Variants in PRKD3 observed in about 807,000 individuals in gnomAD.
The protein encoded by PRKD3 is serine/threonine-protein kinase D3.
PRKD3 carries 47 observed loss-of-function variants against 99.2 expected under a neutral mutation model. The ratio of observed to expected loss-of-function variants is 0.47; its 90% CI spans 0.38 to 0.60. PRKD3 has a LOEUF of 0.60. Ranked by LOEUF, PRKD3 falls within the 20% of genes least tolerant of loss-of-function variation. The pLI is 0.00. For missense variants in PRKD3, 1,019 were observed against 1,088.4 expected, an observed-to-expected ratio of 0.94 and a Z score of 0.90; for synonymous variants, 392 against 355.4, an observed-to-expected ratio of 1.10 and a Z score of -1.16.
chr2:37,262,371 TCA>T (rs1668530091), intron 14 of PRKD3, among the ~76,000 whole-genome samples: 1 of 152,210 alleles, frequency 6.6e-6, no homozygotes, highest in Admixed American at 6.5e-5. Context: ...ACAGATTGTT[TCA>T]GTTATTTTAG....
chr2:37,275,658 C>A, intron 10 of PRKD3, 109 bp downstream of exon 10: 1 of 1,189,908 alleles, frequency 8.4e-7, no homozygotes. Context: ...CTTCTATAAA[C>A]CATACTAGCT....
intron 7 of PRKD3, among the ~76,000 whole-genome samples, chr2:37,281,976 G>C (rs553264513): frequency 2.0e-5 from 3 of 152,200 alleles, no homozygotes; most frequent in Non-Finnish European, 4.4e-5. Context: ...ACGATTATTT[G>C]ACAGAGAAAG....
chr2:37,264,869 A>G (rs925995064), intron 14 of PRKD3, among the ~76,000 whole-genome samples: 1 of 152,198 alleles, frequency 6.6e-6, no homozygotes, highest in Non-Finnish European at 1.5e-5. Context: ...CATTTCTGTT[A>G]AACAGAATTA....
intron 2 of PRKD3, among the ~76,000 whole-genome samples, chr2:37,308,293 T>C (rs1453447856): frequency 6.6e-6 from 1 of 152,208 alleles, no homozygotes; most frequent in African/African-American, 2.4e-5. Context: ...TCTAAACTGA[T>C]CTTTTCATGT....
chr2:37,251,604 T>C lies in PRKD3; in HGVS notation c.*1573A>G, dbSNP rs995764611. ...GAAAGGCCTTCTCAGTCTGTTCATG[T>C]ACCAGAACATTCTTTTTTTTTTTTG... On this transcript the variant is annotated 3_prime_UTR_variant, in exon 19 of 19. Transcript: ENST00000234179. 2.0e-5 allele frequency: 3 copies of C among 152,308 alleles called. No individual in the cohort carries two copies. In the South Asian group the frequency reaches 6.2e-4, roughly 32 times the overall value. The allele number at this position is 152,308 out of a possible 1,614,324, so 9.4% of individuals were successfully genotyped here. A position where few individuals can be genotyped will look rare whatever the true frequency, so the allele number is the denominator to read the frequency against.
At chr2:37,282,725 A>G (rs1350539054) in intron 6 of PRKD3, 106 bp from the exon 7 acceptor site, 2 of 786,212 alleles carry the variant, frequency 2.5e-6, no homozygotes, top group African/African-American at 3.5e-5. Context: ...ATTAGTAATG[A>G]TGATATTAAA....
rs1451726947 is a variant in PRKD3, at chr2:37,252,237, T to G, written c.*940A>C. ...CAGTAACTGTAGCATTAACTGACCC[T>G]GCACTGGCCCTGCTAAAAAGCAGAA... On this transcript the variant is annotated 3_prime_UTR_variant, in exon 19 of 19. Coordinates refer to ENST00000234179, the MANE Select transcript of PRKD3 (RefSeq NM_005813.6). 1 of 152,190 alleles carries G rather than the reference T, an allele frequency of 6.6e-6. No homozygotes were observed. The highest frequency in any genetic ancestry group is 2.4e-5 in the African/African-American group (1 of 41,450). The allele number at this position is 152,190 out of a possible 1,614,324, so 9.4% of individuals were successfully genotyped here.
Position 37,252,438 on chromosome 2 carries a change from C to CTT in PRKD3, c.*737_*738dup, listed in dbSNP as rs2148464207. ...AGCACTTAGACCAGCAGTACTCTTC[C>CTT]TTTTGTAACATCATTTGTCCCTAAT... On this transcript the variant is annotated 3_prime_UTR_variant, in exon 19 of 19. Coordinates refer to ENST00000234179, the MANE Select transcript of PRKD3 (RefSeq NM_005813.6). 1 of 152,292 alleles carries CTT rather than the reference C, an allele frequency of 6.6e-6. No individual in the cohort carries two copies. The highest frequency in any genetic ancestry group is 1.5e-5 in the Non-Finnish European group (1 of 68,028). The allele number at this position is 152,292 out of a possible 1,614,324, so 9.4% of individuals were successfully genotyped here.
intron 10 of PRKD3, among the ~76,000 whole-genome samples, 159 bp from the exon 11 acceptor site, chr2:37,274,856 C>G (rs1490388003): frequency 6.6e-6 from 1 of 152,154 alleles, no homozygotes; most frequent in Non-Finnish European, 1.5e-5. Context: ...CATGGCCTGT[C>G]TTGAATGAGC....
chr2:37,306,191 C>A (rs749413213), intron 2 of PRKD3, among the ~76,000 whole-genome samples: 3 of 151,772 alleles, frequency 2.0e-5, no homozygotes, highest in Non-Finnish European at 4.4e-5. Flanking sequence ...CCCTCAATAT[C>A]AGTTTTCTCC....
chr2:37,311,639 T>C (rs189431851), intron 2 of PRKD3, among the ~76,000 whole-genome samples: 2 of 152,336 alleles, frequency 1.3e-5, no homozygotes, highest in African/African-American at 4.8e-5. Flanking sequence ...CTCTGAAATT[T>C]TTAATTTTAA....
intron 1 of PRKD3, among the ~76,000 whole-genome samples, chr2:37,321,065 C>A (rs1006238136): frequency 6.6e-6 from 1 of 152,166 alleles, no homozygotes; most frequent in South Asian, 2.1e-4. Flanking sequence ...CTGTAACTTA[C>A]ATGAACCTTG....
At chr2:37,296,059 G>A (rs748418222) in intron 2 of PRKD3, among the ~76,000 whole-genome samples, 4 of 151,768 alleles carry the variant, frequency 2.6e-5, no homozygotes, top group African/African-American at 9.7e-5. Flanking sequence ...TAAATGGAAA[G>A]AGACAAGGAA....
intron 12 of PRKD3, among the ~76,000 whole-genome samples, chr2:37,271,832 A>T (rs897689839): frequency 2.6e-5 from 4 of 152,208 alleles, no homozygotes; most frequent in Non-Finnish European, 4.4e-5. Context: ...CTGGTCTACA[A>T]AGCCTAAGGT....
chr2:37,300,318 A>C (rs1181920889), intron 2 of PRKD3, among the ~76,000 whole-genome samples: 1 of 151,592 alleles, frequency 6.6e-6, no homozygotes, highest in East Asian at 1.9e-4. Context: ...GAAAAATTTA[A>C]AAAAAAAATG....
chr2:37,272,104 C>A (rs939256527), intron 12 of PRKD3, among the ~76,000 whole-genome samples: 1 of 152,120 alleles, frequency 6.6e-6, no homozygotes, highest in African/African-American at 2.4e-5. Context: ...CCCTGCTGAC[C>A]CCACAAGAAG....
intron 9 of PRKD3, 82 bp downstream of exon 9, chr2:37,277,784 C>T: frequency 6.9e-7 from 1 of 1,443,476 alleles, no homozygotes; most frequent in African/African-American, 1.4e-5. Flanking sequence ...TGTATCTCAT[C>T]ATCATTTTGA....
In PRKD3 at chr2:37,252,189, A is replaced by G. The variant is rs1036375064; in HGVS notation, c.*988T>C. Reference sequence around the variant, plus strand: ...AAGCCCAATAGGCTAGGGGAAGGAGAAAAAAGGATACTGTTTGCTATACAG... The same window carrying G: ...AAGCCCAATAGGCTAGGGGAAGGAGGAAAAAGGATACTGTTTGCTATACAG... On this transcript the variant is annotated 3_prime_UTR_variant, in exon 19 of 19. Transcript: ENST00000234179. 3 of 152,196 alleles carry G rather than the reference A, an allele frequency of 2.0e-5. No homozygotes were observed. Among genetic ancestry groups the G allele is most frequent in the Non-Finnish European group, 2.9e-5 (2 of 68,036 alleles). The allele number at this position is 152,196 out of a possible 1,614,324, so 9.4% of individuals were successfully genotyped here.
Position 37,260,298 on chromosome 2 carries a change from T to C in PRKD3, c.1971A>G (p.Gly657=), listed in dbSNP as rs760355318. The C allele has an allele frequency of 6.2e-7, 1 of 1,608,924 alleles. No homozygotes were observed. Among genetic ancestry groups the C allele is most frequent in the South Asian group, 1.1e-5 (1 of 90,948 alleles). Residue 657 remains glycine, a synonymous_variant, in exon 15 of 19, where the codon GGA becomes GGG. Transcript: ENST00000234179. ...RVFVVMEKLH[G]DMLEMILSSE... ...TGGATAGAATCATTTCCAACATATC[T>C]CCATGCAGCTTTTCCATTACTACAA...
Sources: gnomAD v4.1 joint callset for allele counts (sites outside exome capture counted in the v4.1 genomes callset) on GRCh38, gnomAD v4.1.1 for gene constraint, MANE v1.5 for transcripts, NCBI Gene and HGNC (gene_info 2026-07-23, HGNC 2026-07-21) for gene names.